The following PLXDC2 variants were observed in gnomAD, a reference collection of about 807,000 sequenced individuals.
PLXDC2 encodes plexin domain-containing protein 2.
In PLXDC2, 40 loss-of-function variants were observed where a neutral mutation model predicts 68.9. The observed-to-expected ratio is 0.58, with a 90% confidence interval of 0.45 to 0.76. PLXDC2 has a LOEUF of 0.76. PLXDC2 is among the 30% of genes least tolerant of loss of function. PLXDC2 has a pLI of 0.00. For synonymous variants in PLXDC2, 243 were observed against 234.2 expected, an observed-to-expected ratio of 1.04 and a Z score of -0.34; for missense variants, 644 against 661.9, an observed-to-expected ratio of 0.97 and a Z score of 0.30.
At position 19,973,322 on chromosome 10, in the gene PLXDC2, G is replaced by GTATACATATATGTGTATATATGTA. The variant is rs1339892442; in HGVS notation, c.113-28442_113-28441insGTGTATATATGTATATACATATAT. 1.5e-3 allele frequency among the ~76,000 whole-genome samples: 212 copies of GTATACATATATGTGTATATATGTA among 141,662 alleles called. 1 individual carries two copies. The highest frequency in any genetic ancestry group is 5.1e-3 in the African/African-American group (202 of 39,258). 92.9% of individuals were successfully genotyped at this position (141,662 alleles called of 152,430 possible). On this transcript the variant is annotated intron_variant, in intron 1 of 13. Coordinates refer to ENST00000377252, the MANE Select transcript of PLXDC2 (RefSeq NM_032812.9). Reference sequence around the variant, plus strand: ...TATATATATATACTCACATATATATGTATACATATATATGTGTATATATGT... The same window carrying GTATACATATATGTGTATATATGTA: ...TATATATATATACTCACATATATATGTATACATATATGTGTATATATGTATATACATATATATGTGTATATATGT...
Position 20,250,790 on chromosome 10 carries a change from A to C in PLXDC2, c.1473+5285A>C, listed in dbSNP as rs138590650. The stretch of plus-strand genomic sequence containing the variant: ...GGAAAGAAATGAATGGTATAAAAGA[A>C]CTTAGTAAATATTGCCAAAAGCATG... On this transcript the variant is annotated intron_variant, in intron 13 of 13. Transcript: ENST00000377252. Among the ~76,000 whole-genome samples the C allele has an allele frequency of 2.6e-3, 391 of 152,336 alleles. 1 individual carries two copies. The highest frequency in any genetic ancestry group is 9.1e-3 in the African/African-American group (378 of 41,572).
At chr10:19,949,123 CAA>C (rs60138814) in intron 1 of PLXDC2, among the ~76,000 whole-genome samples, 89 of 82,910 alleles carry the variant, frequency 1.1e-3, no homozygotes, top group South Asian at 3.6e-3. Context: ...GAGACTTTGT[CAA>C]AAAAAAAAAA....
chr10:20,097,564 T>G (rs941917263), intron 4 of PLXDC2, among the ~76,000 whole-genome samples: 38 of 152,192 alleles, frequency 2.5e-4, no homozygotes, highest in Non-Finnish European at 1.2e-4. Flanking sequence ...TTGATTTTAC[T>G]TGTAACTTTT....
chr10:20,127,140 T>C (rs1470274937), intron 4 of PLXDC2, among the ~76,000 whole-genome samples: 1 of 152,102 alleles, frequency 6.6e-6, no homozygotes, highest in Non-Finnish European at 1.5e-5. Context: ...GTTGGTACAA[T>C]GCAGATGGCT....
chr10:20,199,242 A>G (rs182945506), intron 9 of PLXDC2, among the ~76,000 whole-genome samples: 43 of 152,158 alleles, frequency 2.8e-4, no homozygotes, highest in African/African-American at 1.0e-3. Context: ...TTTTAAGTTA[A>G]CATTAGCAAA....
At chr10:19,891,714 C>G (rs532892284) in intron 1 of PLXDC2, among the ~76,000 whole-genome samples, 49 of 152,202 alleles carry the variant, frequency 3.2e-4, no homozygotes, top group Non-Finnish European at 6.3e-4. Context: ...GAGGAAACTT[C>G]TCTTTCGCTT....
chr10:19,833,133 A>G (rs1836725985), intron 1 of PLXDC2, among the ~76,000 whole-genome samples: 1 of 152,204 alleles, frequency 6.6e-6, no homozygotes, highest in Non-Finnish European at 1.5e-5. Context: ...AGGGCAAGGC[A>G]TGGAATTTTC....
chr10:19,875,858 C>T (rs1021321331), intron 1 of PLXDC2, among the ~76,000 whole-genome samples: 1 of 152,144 alleles, frequency 6.6e-6, no homozygotes, highest in Non-Finnish European at 1.5e-5. Flanking sequence ...AGTTCAATGT[C>T]ATGTAAAATA....
intron 1 of PLXDC2, among the ~76,000 whole-genome samples, chr10:19,839,372 C>A (rs954636000): frequency 6.6e-6 from 1 of 152,018 alleles, no homozygotes; most frequent in Admixed American, 6.6e-5. Context: ...TTTGCAATTT[C>A]TTTTTAAGCT....
At chr10:19,920,274 G>A (rs1833437741) in intron 1 of PLXDC2, among the ~76,000 whole-genome samples, 1 of 152,128 alleles carries the variant, frequency 6.6e-6, no homozygotes, top group Non-Finnish European at 1.5e-5. Context: ...GTGGTCCCTG[G>A]CTAGGGCTCC....
intron 9 of PLXDC2, among the ~76,000 whole-genome samples, chr10:20,194,048 CA>C (rs1834804095): frequency 6.6e-6 from 1 of 151,854 alleles, no homozygotes; most frequent in African/African-American, 2.4e-5. Context: ...CAGGCAAGCT[CA>C]CAAATTTATA....
intron 6 of PLXDC2, among the ~76,000 whole-genome samples, chr10:20,152,619 G>A (rs1334430941): frequency 6.6e-6 from 1 of 151,944 alleles, no homozygotes; most frequent in East Asian, 1.9e-4. Flanking sequence ...GTATCCAGTT[G>A]TTTTTTAGAC....
chr10:20,192,368 T>C (rs1324632065), intron 9 of PLXDC2, among the ~76,000 whole-genome samples: 1 of 152,034 alleles, frequency 6.6e-6, no homozygotes, highest in Admixed American at 6.6e-5. Context: ...TCCAATGGCA[T>C]GTTATAAAAG....
chr10:20,014,514 G>A (rs1835176919), intron 2 of PLXDC2, among the ~76,000 whole-genome samples: 1 of 149,520 alleles, frequency 6.7e-6, no homozygotes, highest in South Asian at 2.1e-4. Flanking sequence ...ACCCATCCAA[G>A]GTAAATCTGT....
At chr10:20,021,066 T>C (rs1311254920) in intron 2 of PLXDC2, among the ~76,000 whole-genome samples, 1 of 152,204 alleles carries the variant, frequency 6.6e-6, no homozygotes, top group East Asian at 1.9e-4. Flanking sequence ...CAAAATATAG[T>C]ATACAGTTAA....
chr10:20,130,213 C>T (rs766051672), intron 4 of PLXDC2, among the ~76,000 whole-genome samples: 131 of 152,014 alleles, frequency 8.6e-4, no homozygotes, highest in Non-Finnish European at 1.7e-3. Context: ...CTTCAGTTTA[C>T]GGATCTTTTA....
Position 20,282,736 on chromosome 10 carries a change from G to T in PLXDC2, c.*2917G>T, listed in dbSNP as rs1236385105. 6.6e-6 allele frequency: 1 copy of T among 152,156 alleles called. No homozygotes were observed. Among genetic ancestry groups the T allele is most frequent in the Admixed American group, 6.5e-5 (1 of 15,276 alleles). The allele number at this position is 152,156 out of a possible 1,614,324, so 9.4% of individuals were successfully genotyped here. A position where few individuals can be genotyped will look rare whatever the true frequency, so the allele number is the denominator to read the frequency against. ...AGGCATAAATGGCTTAAGCCCAAGA[G>T]ATGGCACTGACCATAAATGGTGGCT... On this transcript the variant is annotated 3_prime_UTR_variant, in exon 14 of 14. Coordinates refer to ENST00000377252, the MANE Select transcript of PLXDC2 (RefSeq NM_032812.9).
At chr10:20,180,854 C>G (rs932641016) in intron 9 of PLXDC2, among the ~76,000 whole-genome samples, 3 of 152,010 alleles carry the variant, frequency 2.0e-5, no homozygotes, top group Admixed American at 2.0e-4. Context: ...ACTAAGAGTG[C>G]TTATGTTTCC....
At chr10:20,139,401 G>A (rs1833972400) in intron 4 of PLXDC2, among the ~76,000 whole-genome samples, 1 of 152,252 alleles carries the variant, frequency 6.6e-6, no homozygotes, top group South Asian at 2.1e-4. Flanking sequence ...AGGCAGATGA[G>A]CAGATGAGTG....
Sources: gnomAD v4.1 joint callset for allele counts (sites outside exome capture counted in the v4.1 genomes callset) on GRCh38, gnomAD v4.1.1 for gene constraint, MANE v1.5 for transcripts, NCBI Gene and HGNC (gene_info 2026-07-23, HGNC 2026-07-21) for gene names.